The following EEIG1 variants were observed in gnomAD, a reference collection of about 807,000 sequenced individuals.
The protein encoded by EEIG1 is estrogen-induced osteoclastogenesis regulator 1.
chr9:127,950,385 C>T, the EEIG1 span: 18 of 1,603,810 alleles, frequency 1.1e-5, no homozygotes, highest in Non-Finnish European at 1.5e-5. Context: ...GTCCCCATCC[C>T]GTGGTCAGGG....
chr9:127,943,155 G>A, the EEIG1 span: 74 of 1,607,774 alleles, frequency 4.6e-5, no homozygotes, highest in Middle Eastern at 6.6e-4. Flanking sequence ...GGACTCCAGA[G>A]AAAGCAGGAC....
At chr9:127,978,788 G>C in the EEIG1 span, among the ~76,000 whole-genome samples, 7 of 152,120 alleles carry the variant, frequency 4.6e-5, no homozygotes, top group African/African-American at 1.7e-4. Flanking sequence ...AGTGACCCAA[G>C]ATCACGCCAC....
chr9:127,950,643 A>G, the EEIG1 span: 1 of 1,526,836 alleles, frequency 6.5e-7, no homozygotes, highest in Non-Finnish European at 8.8e-7. Flanking sequence ...GGAGACAGAT[A>G]AAGCCCCTGG....
chr9:127,961,003 G>A, the EEIG1 span, among the ~76,000 whole-genome samples: 9 of 151,996 alleles, frequency 5.9e-5, no homozygotes, highest in African/African-American at 1.7e-4. Flanking sequence ...CAGCAGCAGC[G>A]GCCACCTCCT....
chr9:127,944,816 C>A, the EEIG1 span: 1 of 1,612,020 alleles, frequency 6.2e-7, no homozygotes, highest in Non-Finnish European at 8.5e-7. Flanking sequence ...TGGCTCTGCA[C>A]GATCTTCTCC....
the EEIG1 span, among the ~76,000 whole-genome samples, chr9:127,967,437 G>A: frequency 0.011 from 1,600 of 152,326 alleles, 26 homozygotes; most frequent in African/African-American, 0.035. Context: ...TCTACTGGCC[G>A]GGAGAGGGCT....
At chr9:127,964,344 C>G in the EEIG1 span, among the ~76,000 whole-genome samples, 2 of 152,232 alleles carry the variant, frequency 1.3e-5, no homozygotes, top group Non-Finnish European at 2.9e-5. Flanking sequence ...CCAGCCTGAT[C>G]CAGCATTACT....
the EEIG1 span, chr9:127,943,282 T>G: frequency 6.3e-7 from 1 of 1,591,644 alleles, no homozygotes; most frequent in Non-Finnish European, 8.6e-7. Flanking sequence ...GATACCCCAT[T>G]TCCTGAGCGC....
At chr9:127,950,665 A>G in the EEIG1 span, 2 of 1,466,348 alleles carry the variant, frequency 1.4e-6, no homozygotes, top group African/African-American at 2.8e-5. Context: ...CCAGCCCCAC[A>G]GCCTCGACTG....
the EEIG1 span, among the ~76,000 whole-genome samples, chr9:127,971,875 G>A: frequency 6.6e-6 from 1 of 152,204 alleles, no homozygotes; most frequent in Non-Finnish European, 1.5e-5. Flanking sequence ...AGAAGTGGGG[G>A]AAGGGAACTT....
At chr9:127,963,414 G>A in the EEIG1 span, among the ~76,000 whole-genome samples, 19,468 of 152,260 alleles carry the variant, frequency 0.13, 1,345 homozygotes, top group South Asian at 0.22. Context: ...CCCGCTCCCC[G>A]CTGCCAGGAA....
At chr9:127,978,528 T>C in the EEIG1 span, among the ~76,000 whole-genome samples, 1 of 149,958 alleles carries the variant, frequency 6.7e-6, no homozygotes, top group Admixed American at 6.8e-5. Flanking sequence ...TATTTCATTT[T>C]TATTTTTTAA....
At chr9:127,980,189 A>G in the EEIG1 span, 3 of 1,573,700 alleles carry the variant, frequency 1.9e-6, no homozygotes, top group Non-Finnish European at 2.6e-6. Context: ...GTGGAGAGGG[A>G]CGGGATTCCT....
the EEIG1 span, among the ~76,000 whole-genome samples, chr9:127,946,268 G>A: frequency 6.6e-6 from 1 of 152,248 alleles, no homozygotes; most frequent in African/African-American, 2.4e-5. Flanking sequence ...AAGGGACATG[G>A]TGAGGGCGAG....
chr9:127,979,957 C>G, the EEIG1 span: 1 of 1,595,440 alleles, frequency 6.3e-7, no homozygotes, highest in African/African-American at 1.4e-5. Context: ...GCTCATCACC[C>G]CCGCTGCTGC....
At chr9:127,943,672 G>C in the EEIG1 span, 1 of 185,346 alleles carries the variant, frequency 5.4e-6, no homozygotes, top group East Asian at 1.5e-4. Context: ...TAGCTCTGCT[G>C]TGATCTCGCT....
At chr9:127,951,814 C>CAA in the EEIG1 span, among the ~76,000 whole-genome samples, 2,052 of 108,834 alleles carry the variant, frequency 0.019, 47 homozygotes, top group African/African-American at 0.056. Flanking sequence ...GACTCCATCT[C>CAA]AAAAAAAAAA....
At chr9:127,948,048 G>C in the EEIG1 span, 2 of 1,599,460 alleles carry the variant, frequency 1.3e-6, no homozygotes, top group Non-Finnish European at 8.5e-7. Context: ...GCAGGGGAGG[G>C]GCGGACAGAT....
the EEIG1 span, among the ~76,000 whole-genome samples, chr9:127,965,758 C>G: frequency 1.1e-4 from 17 of 152,214 alleles, no homozygotes; most frequent in African/African-American, 3.6e-4. Flanking sequence ...TGTGCTTCCC[C>G]GAAGAGAAGA....
Sources: gnomAD v4.1 joint callset for allele counts (sites outside exome capture counted in the v4.1 genomes callset) on GRCh38, gnomAD v4.1.1 for gene constraint, MANE v1.5 for transcripts, NCBI Gene and HGNC (gene_info 2026-07-23, HGNC 2026-07-21) for gene names.